ANKAR: variants seen among roughly 807,000 people sequenced by gnomAD.
The protein encoded by ANKAR is ankyrin and armadillo repeat containing, also known as ankyrin and armadillo repeat-containing protein.
Under a neutral mutation model 146.2 loss-of-function variants are expected in ANKAR, and 136 were observed. The ratio of observed to expected loss-of-function variants is 0.93; its 90% CI spans 0.81 to 1.07. The LOEUF (loss-of-function observed/expected upper bound fraction) is 1.07. Ranked by LOEUF, ANKAR falls within the 50% of genes least tolerant of loss-of-function variation. The probability of loss-of-function intolerance (pLI) is 0.00; values close to 1 mark genes in which losing one functional copy is unlikely to be tolerated. For missense variants in ANKAR, 1,567 were observed against 1,679.9 expected (o/e 0.93, Z 1.18); for synonymous variants, 500 against 575.8 (o/e 0.87, Z 1.88).
At chr2:189,680,374 T>G (rs986433072) in intron 2 of ANKAR, among the ~76,000 whole-genome samples, 13 of 152,084 alleles carry the variant, frequency 8.5e-5, no homozygotes, top group African/African-American at 3.1e-4. Context: ...CAATTTTATC[T>G]TTTCAAAAAA....
rs529251933 is a variant in ANKAR, at chr2:189,718,814, A to G, written c.2225-758A>G. 4.9e-3 allele frequency among the ~76,000 whole-genome samples: 735 copies of G among 150,432 alleles called. 7 individuals carry two copies. Among genetic ancestry groups the G allele is most frequent in the African/African-American group, 0.017 (686 of 40,950 alleles). On this transcript the variant is annotated intron_variant, in intron 10 of 22. Transcript: ENST00000684021. ...CCGGACTGCGGACTGCAGTGGCGCAATCTCGGCTCACTGCAAGCTCCGCTT... is the reference window on the plus strand; with the variant it reads ...CCGGACTGCGGACTGCAGTGGCGCAGTCTCGGCTCACTGCAAGCTCCGCTT...
At chr2:189,750,837 G>GTC (rs1198976228), downstream of ANKAR, among the ~76,000 whole-genome samples, 1 of 152,140 alleles carries the variant, frequency 6.6e-6, no homozygotes, top group Admixed American at 6.5e-5. Flanking sequence ...ATGAAAGCTA[G>GTC]TCTCATTAAT....
chr2:189,727,103 T>C (rs2041957384), intron 12 of ANKAR, among the ~76,000 whole-genome samples: 1 of 152,072 alleles, frequency 6.6e-6, no homozygotes, highest in African/African-American at 2.4e-5. Context: ...TTATTTTTAA[T>C]GATAATACCC....
chr2:189,752,485 A>C (rs556232288), intron 18 of ANKAR, among the ~76,000 whole-genome samples: 3 of 152,216 alleles, frequency 2.0e-5, no homozygotes, highest in Non-Finnish European at 4.4e-5. Flanking sequence ...CTGTAGCAAA[A>C]ATATTTCTCA....
At chr2:189,699,047 G>A (rs2037677649) in intron 7 of ANKAR, among the ~76,000 whole-genome samples, 1 of 152,078 alleles carries the variant, frequency 6.6e-6, no homozygotes, top group Admixed American at 6.6e-5. Context: ...GCTCCATAAA[G>A]GACAAGGATT....
intron 17 of ANKAR, 52 bp from the exon 18 acceptor site, chr2:189,737,631 G>A: frequency 1.3e-6 from 2 of 1,498,112 alleles, no homozygotes; most frequent in Non-Finnish European, 1.8e-6. Context: ...CTATTATGTT[G>A]AGTAACATGA....
At chr2:189,679,596 G>T (rs2034319533) in intron 2 of ANKAR, among the ~76,000 whole-genome samples, 2 of 152,124 alleles carry the variant, frequency 1.3e-5, no homozygotes, top group African/African-American at 4.8e-5. Flanking sequence ...GTTGGCTGTG[G>T]GTTTGTTATA....
chr2:189,744,744 T>C lies in ANKAR; in HGVS notation c.4013T>C (p.Leu1338Pro), dbSNP rs1398592155. ...TGACAAAAATGTTTTCCTTTTAGTC[T>C]GGAGAAGAATGGAGGACCATCCATA... ...QTLVGLPSLS[L>P]EKNGGPSIIP... is the part of the protein sequence containing the mutation. Residue 1338 changes from leucine (L) to proline (P), a missense_variant and splice_region_variant, in exon 22 of 23, where the codon CTG becomes CCG. Leu to Pro is a moderately conservative substitution (Grantham distance 98). Coordinates refer to ENST00000684021, the MANE Select transcript of ANKAR (RefSeq NM_001378068.1). 5.7e-6 allele frequency: 9 copies of C among 1,591,070 alleles called. No individual in the cohort carries two copies. The highest frequency in any genetic ancestry group is 7.7e-6 in the Non-Finnish European group (9 of 1,163,236).
At chr2:189,677,151 A>G (rs1247322240) in intron 2 of ANKAR, 60 bp downstream of exon 2, 3 of 1,418,510 alleles carry the variant, frequency 2.1e-6, no homozygotes, top group African/African-American at 3.0e-5. Flanking sequence ...GAGTCTTACT[A>G]CGTCACCCAG....
chr2:189,759,911 T>C (rs558481902), intron 18 of ANKAR, among the ~76,000 whole-genome samples: 9 of 152,274 alleles, frequency 5.9e-5, no homozygotes, highest in South Asian at 4.2e-4. Flanking sequence ...TGCGGCCTTC[T>C]GCAGTGTTTA....
chr2:189,757,830 C>G (rs1439320715), intron 18 of ANKAR, among the ~76,000 whole-genome samples: 1 of 152,292 alleles, frequency 6.6e-6, no homozygotes, highest in African/African-American at 2.4e-5. Context: ...ATCACTGAAG[C>G]CTGTTTGCCC....
chr2:189,703,835 G>A (rs1207099009), intron 7 of ANKAR, among the ~76,000 whole-genome samples: 1 of 152,180 alleles, frequency 6.6e-6, no homozygotes, highest in Non-Finnish European at 1.5e-5. Flanking sequence ...GGTCAATGGT[G>A]TAAAATACTA....
chr2:189,722,133 G>T (rs1282845717), intron 12 of ANKAR, among the ~76,000 whole-genome samples: 1 of 152,024 alleles, frequency 6.6e-6, no homozygotes, highest in African/African-American at 2.4e-5. Context: ...CTGAGGTCAG[G>T]AGTTCGAGAC....
At chr2:189,714,987 G>C (rs2040241961) in intron 10 of ANKAR, among the ~76,000 whole-genome samples, 1 of 147,060 alleles carries the variant, frequency 6.8e-6, no homozygotes, top group Non-Finnish European at 1.5e-5. Context: ...AGAGAAACCA[G>C]GAAAGATCTA....
intron 10 of ANKAR, among the ~76,000 whole-genome samples, chr2:189,711,895 A>G (rs987261899): frequency 2.6e-5 from 4 of 152,168 alleles, no homozygotes; most frequent in Non-Finnish European, 4.4e-5. Context: ...ATGCCCAAAC[A>G]CTGTGCTTTT....
intron 17 of ANKAR, among the ~76,000 whole-genome samples, chr2:189,735,011 A>T (rs1225094): frequency 0.98 from 146,791 of 149,596 alleles, 72,067 homozygotes; most frequent in East Asian, 1. Context: ...AGTAAAAAAA[A>T]ATATATATAT....
chr2:189,732,239 T>C (rs1048955010), intron 16 of ANKAR, among the ~76,000 whole-genome samples: 4 of 152,164 alleles, frequency 2.6e-5, no homozygotes, highest in African/African-American at 9.7e-5. Flanking sequence ...ATCTACTGAG[T>C]CCCAATAATA....
rs539644422 is a variant in ANKAR, at chr2:189,690,088, A to G, written c.1039+124A>G. On this transcript the variant is annotated intron_variant, in intron 3 of 22. Transcript: ENST00000684021. ...CTAGCTATAACCTGTTAGAGAAAAC[A>G]AACAATTTAATGTCTCTAATGTAAT... The G allele has an allele frequency of 1.1e-5, 6 of 565,574 alleles. No individual in the cohort carries two copies. The East Asian group carries it at 2.1e-4, about 20-fold the overall frequency. The allele number at this position is 565,574 out of a possible 1,614,324, so 35.0% of individuals were successfully genotyped here. A position where few individuals can be genotyped will look rare whatever the true frequency, so the allele number is the denominator to read the frequency against.
At chr2:189,695,417 G>C (rs940829649) in intron 6 of ANKAR, among the ~76,000 whole-genome samples, 5 of 152,106 alleles carry the variant, frequency 3.3e-5, no homozygotes, top group African/African-American at 1.2e-4. Context: ...TGTATGTTAG[G>C]CAATATTATA....
Sources: gnomAD v4.1 joint callset for allele counts (sites outside exome capture counted in the v4.1 genomes callset) on GRCh38, gnomAD v4.1.1 for gene constraint, MANE v1.5 for transcripts, NCBI Gene and HGNC (gene_info 2026-07-23, HGNC 2026-07-21) for gene names.